The following CSMD1 variants were observed in gnomAD, a reference collection of about 807,000 sequenced individuals.
CSMD1 encodes the protein CUB and Sushi multiple domains 1.
A neutral mutation model predicts 417.5 loss-of-function variants in CSMD1; 213 were observed. The ratio of observed to expected loss-of-function variants is 0.51; its 90% CI spans 0.46 to 0.57. The LOEUF (loss-of-function observed/expected upper bound fraction) is 0.57. CSMD1 is among the 20% of genes least tolerant of loss of function. The pLI is 0.00. For synonymous variants in CSMD1, 2,862 were observed against 1,736.8 expected, an observed-to-expected ratio of 1.65 and a Z score of -16.11; for missense variants, 6,923 against 4,529.7, an observed-to-expected ratio of 1.53 and a Z score of -15.17.
At chr8:3,913,979 A>G (rs1172552662) in intron 5 of CSMD1, among the ~76,000 whole-genome samples, 1 of 152,112 alleles carries the variant, frequency 6.6e-6, no homozygotes, top group Admixed American at 6.5e-5. Context: ...ACTTTAGCCA[A>G]TATTTAAATT....
intron 2 of CSMD1, among the ~76,000 whole-genome samples, chr8:4,500,081 G>A (rs1802179654): frequency 1.6e-5 from 1 of 61,708 alleles, no homozygotes. Context: ...CTGAAGAGAA[G>A]TTATACTAGG....
At chr8:4,967,111 T>TA (rs201809241) in intron 1 of CSMD1, among the ~76,000 whole-genome samples, 87 of 151,620 alleles carry the variant, frequency 5.7e-4, no homozygotes, top group East Asian at 7.7e-4. Flanking sequence ...AAATTTGTCT[T>TA]AAAAAAAAAT....
intron 7 of CSMD1, among the ~76,000 whole-genome samples, chr8:3,675,548 C>A (rs1237045144): frequency 2.6e-5 from 4 of 152,012 alleles, no homozygotes; most frequent in Non-Finnish European, 5.9e-5. Flanking sequence ...GGAAGTGATG[C>A]TTTCAGGAAG....
At chr8:3,976,844 C>T (rs995223569) in intron 5 of CSMD1, among the ~76,000 whole-genome samples, 14 of 152,274 alleles carry the variant, frequency 9.2e-5, no homozygotes, top group African/African-American at 3.4e-4. Context: ...CTGCACTGAC[C>T]TCAACCACTG....
chr8:4,430,994 C>T (rs1234570610), intron 2 of CSMD1, among the ~76,000 whole-genome samples: 5 of 152,082 alleles, frequency 3.3e-5, no homozygotes, highest in Non-Finnish European at 5.9e-5. Context: ...CTCAGTTATG[C>T]CACTTTTCTC....
intron 6 of CSMD1, among the ~76,000 whole-genome samples, chr8:3,730,573 G>T (rs1802787493): frequency 6.6e-6 from 1 of 152,028 alleles, no homozygotes; most frequent in South Asian, 2.1e-4. Context: ...GAACAGCTTT[G>T]CACACACTAT....
chr8:4,006,705 A>G (rs1190247001), intron 4 of CSMD1, among the ~76,000 whole-genome samples: 1 of 152,140 alleles, frequency 6.6e-6, no homozygotes, highest in East Asian at 1.9e-4. Flanking sequence ...ATGTCAGAAT[A>G]TCTGATTTCT....
At chr8:4,096,263 T>G (rs967891964) in intron 3 of CSMD1, among the ~76,000 whole-genome samples, 3 of 152,090 alleles carry the variant, frequency 2.0e-5, no homozygotes, top group East Asian at 1.9e-4. Context: ...TAGCTCTTGA[T>G]AGCAAGCAGG....
At chr8:3,298,110 C>A (rs1414572740) in intron 25 of CSMD1, among the ~76,000 whole-genome samples, 1 of 152,116 alleles carries the variant, frequency 6.6e-6, no homozygotes. Flanking sequence ...AGTGAAGTTC[C>A]TGAAATTCTC....
chr8:4,139,637 G>C (rs967483208), intron 3 of CSMD1, among the ~76,000 whole-genome samples: 1 of 151,136 alleles, frequency 6.6e-6, no homozygotes, highest in Non-Finnish European at 1.5e-5. Flanking sequence ...GGAATAGTGG[G>C]ACCAGCAGAT....
chr8:4,249,190 T>G (rs779978899), intron 3 of CSMD1, among the ~76,000 whole-genome samples: 1 of 152,172 alleles, frequency 6.6e-6, no homozygotes, highest in South Asian at 2.1e-4. Context: ...TGAAGCTTGA[T>G]AGTGTCACCA....
At chr8:4,263,518 C>A (rs1235798394) in intron 3 of CSMD1, among the ~76,000 whole-genome samples, 1 of 152,168 alleles carries the variant, frequency 6.6e-6, no homozygotes, top group Non-Finnish European at 1.5e-5. Flanking sequence ...TAATTTACTT[C>A]TCTGGCACTT....
intron 7 of CSMD1, among the ~76,000 whole-genome samples, chr8:3,643,611 G>C (rs1797419378): frequency 1.3e-5 from 2 of 149,648 alleles, no homozygotes; most frequent in Admixed American, 6.7e-5. Context: ...TGAGGCAGGA[G>C]AATGGCGTGA....
At chr8:3,489,396 C>A (rs142707889) in intron 11 of CSMD1, among the ~76,000 whole-genome samples, 1 of 152,158 alleles carries the variant, frequency 6.6e-6, no homozygotes, top group Non-Finnish European at 1.5e-5. Context: ...GTGCCTGCCA[C>A]CCACAGAACG....
chr8:4,084,462 C>G (rs1413738662), intron 3 of CSMD1, among the ~76,000 whole-genome samples: 1 of 152,040 alleles, frequency 6.6e-6, no homozygotes, highest in African/African-American at 2.4e-5. Context: ...GTTGTAATTG[C>G]TAAATCATTT....
chr8:3,219,854 A>C (rs953323619), intron 28 of CSMD1, among the ~76,000 whole-genome samples: 3 of 152,152 alleles, frequency 2.0e-5, no homozygotes, highest in African/African-American at 7.2e-5. Context: ...AAAATACTGG[A>C]ATTTTGAAAA....
At chr8:4,737,788 C>G (rs1030874195) in intron 1 of CSMD1, among the ~76,000 whole-genome samples, 6 of 152,212 alleles carry the variant, frequency 3.9e-5, no homozygotes, top group Middle Eastern at 3.4e-3. Flanking sequence ...ACAAATAGTT[C>G]TTTGGACAAT....
intron 7 of CSMD1, among the ~76,000 whole-genome samples, chr8:3,698,518 G>A (rs1283006280): frequency 6.6e-6 from 1 of 152,166 alleles, no homozygotes; most frequent in African/African-American, 2.4e-5. Flanking sequence ...TAGAAATCTG[G>A]CACACGGATT....
chr8:4,392,438 G>A lies in CSMD1; in HGVS notation c.415+27515C>T, dbSNP rs186643222. On this transcript the variant is annotated intron_variant, in intron 3 of 69. Coordinates refer to ENST00000635120, the MANE Select transcript of CSMD1 (RefSeq NM_033225.6). ...TCCCAAAAATATGAAGCCAAAGAAC[G>A]TAAACTTTTAAAAGAATTATCAGTC... 9.7e-4 allele frequency among the ~76,000 whole-genome samples: 147 copies of A among 152,034 alleles called. 1 individual carries two copies. Among genetic ancestry groups the A allele is most frequent in the South Asian group, 3.3e-3 (16 of 4,812 alleles).
Sources: allele counts gnomAD v4.1 joint callset (sites outside exome capture counted in the v4.1 genomes callset), GRCh38; gene constraint gnomAD v4.1.1; transcripts MANE v1.5; gene names NCBI Gene and HGNC (gene_info 2026-07-23, HGNC 2026-07-21).